The following KANK1 variants were observed in gnomAD, a reference collection of about 807,000 sequenced individuals.
KANK1 encodes the protein KN motif and ankyrin repeat domain-containing protein 1.
KANK1 carries 109 observed loss-of-function variants against 106.2 expected under a neutral mutation model. The observed-to-expected ratio is 1.03, with a 90% CI of 0.88 to 1.20. KANK1 has a LOEUF of 1.20. KANK1 is among the 50% of genes most tolerant of loss of function. KANK1 has a pLI of 0.00. For missense variants in KANK1, 2,399 were observed against 1,710.7 expected, an observed-to-expected ratio of 1.40 and a Z score of -7.10; for synonymous variants, 873 against 652.2, an observed-to-expected ratio of 1.34 and a Z score of -5.16.
chr9:740,687 C>G, intron 8 of KANK1, 105 bp from the exon 9 acceptor site: 1 of 1,240,984 alleles, frequency 8.1e-7, no homozygotes, highest in Non-Finnish European at 1.1e-6. Context: ...CACCTGGTAC[C>G]ATTTCACTGG....
intron 1 of KANK1, among the ~76,000 whole-genome samples, chr9:587,508 C>A (rs78134473): frequency 0.049 from 7,403 of 152,058 alleles, 197 homozygotes; most frequent in African/African-American, 0.057. Flanking sequence ...ATTCAATAAA[C>A]CTAGAAAATA....
At chr9:599,978 T>C (rs994555151) in intron 1 of KANK1, among the ~76,000 whole-genome samples, 1 of 151,842 alleles carries the variant, frequency 6.6e-6, no homozygotes, top group Admixed American at 6.6e-5. Context: ...CGTATGTCCA[T>C]GTAAGTCTTT....
rs556344993 is a variant in KANK1, at chr9:725,225, C to CT, written c.2699-4824dup. 1.1e-4 allele frequency among the ~76,000 whole-genome samples: 17 copies of CT among 152,230 alleles called. No homozygotes were observed. The South Asian group carries it at 3.1e-3, about 28-fold the overall frequency. ...GGGGCAAGTCCTGAACCTAGCTGGCCTTCAGAATCCTTAGCTGGAAGTCTG... is the reference window on the plus strand; with the variant it reads ...GGGGCAAGTCCTGAACCTAGCTGGCCTTTCAGAATCCTTAGCTGGAAGTCTG... On this transcript the variant is annotated intron_variant, in intron 3 of 11. Transcript: ENST00000382297.
At chr9:713,617 C>G (rs997347799) in intron 3 of KANK1, among the ~76,000 whole-genome samples, 153 bp downstream of exon 3, 1 of 152,126 alleles carries the variant, frequency 6.6e-6, no homozygotes, top group Non-Finnish European at 1.5e-5. Context: ...AACTAAGAAT[C>G]AAAATCCATA....
chr9:675,426 A>G (rs962202974), intron 1 of KANK1, among the ~76,000 whole-genome samples: 5 of 152,284 alleles, frequency 3.3e-5, no homozygotes, highest in Admixed American at 1.3e-4. Flanking sequence ...TGGGATTTCT[A>G]TATGTACTGT....
chr9:526,653 C>T (rs2059806119), intron 1 of KANK1, among the ~76,000 whole-genome samples: 2 of 151,930 alleles, frequency 1.3e-5, no homozygotes, highest in East Asian at 3.9e-4. Flanking sequence ...CAAAACCGTC[C>T]ATGAAAACAG....
chr9:478,530 G>A (rs2282038), intron 3 of KANK1: 42,631 of 152,078 alleles, frequency 0.28, 7,612 homozygotes, highest in East Asian at 0.5. Context: ...ATTGCTAAAA[G>A]ATGTCAATAC....
At chr9:678,950 G>C (rs1010261699) in intron 2 of KANK1, among the ~76,000 whole-genome samples, 1 of 152,004 alleles carries the variant, frequency 6.6e-6, no homozygotes, top group Non-Finnish European at 1.5e-5. Context: ...CTGGTGCCTT[G>C]GGCAAAATCC....
intron 3 of KANK1, among the ~76,000 whole-genome samples, chr9:479,977 A>G (rs1316401726): frequency 1.3e-5 from 2 of 152,236 alleles, no homozygotes; most frequent in Non-Finnish European, 2.9e-5. Flanking sequence ...ACAGAAAAAT[A>G]TGGGTTTTTT....
intron 1 of KANK1, among the ~76,000 whole-genome samples, chr9:573,542 T>A (rs968915036): frequency 3.9e-5 from 6 of 152,160 alleles, no homozygotes; most frequent in Admixed American, 1.3e-4. Flanking sequence ...AGTGCTGGGA[T>A]TACAGGCATG....
At chr9:742,111 A>G in intron 9 of KANK1, 94 bp from the exon 10 acceptor site, 1 of 1,074,412 alleles carries the variant, frequency 9.3e-7, no homozygotes, top group Non-Finnish European at 1.4e-6. Flanking sequence ...TTCTGTCACC[A>G]CACTCTTCCC....
chr9:638,704 A>C (rs1423285629), intron 1 of KANK1, among the ~76,000 whole-genome samples: 1 of 152,184 alleles, frequency 6.6e-6, no homozygotes, highest in African/African-American at 2.4e-5. Context: ...AAACTTGTTA[A>C]ATTTGCGATC....
At chr9:594,264 C>T (rs1269267773) in intron 1 of KANK1, among the ~76,000 whole-genome samples, 1 of 151,778 alleles carries the variant, frequency 6.6e-6, no homozygotes, top group Non-Finnish European at 1.5e-5. Context: ...AGTCACAAAG[C>T]AATTAAATAG....
intron 2 of KANK1, chr9:686,937 G>A: frequency 1.0e-6 from 1 of 985,122 alleles, no homozygotes; most frequent in Non-Finnish European, 1.2e-6. Context: ...GGGGGCTTAG[G>A]GCTGGGGGCT....
In KANK1 at chr9:742,343, C is replaced by G. The variant is rs757786007; in HGVS notation, c.3835C>G (p.His1279Asp). The G allele has an allele frequency of 6.2e-7, 1 of 1,614,014 alleles. No homozygotes were observed. Among genetic ancestry groups the G allele is most frequent in the Non-Finnish European group, 8.5e-7 (1 of 1,180,020 alleles). ...CCTCATGTGTGCCAGCGAGCACGGA[C>G]ACGTGGAGATTGTCAAGCTGCTGCT... ...TALMCASEHG[H>D]VEIVKLLLAQ... Residue 1279 changes from histidine (H) to aspartate (D), a missense_variant, in exon 10 of 12, where the codon CAC (histidine) becomes GAC (aspartate). His to Asp is a moderately conservative substitution (Grantham distance 81). Transcript: ENST00000382297.
chr9:553,909 G>T (rs1042829314), intron 1 of KANK1, among the ~76,000 whole-genome samples: 1 of 152,174 alleles, frequency 6.6e-6, no homozygotes, highest in Non-Finnish European at 1.5e-5. Context: ...TATAGCAGTG[G>T]TTCTCAAACT....
chr9:535,060 C>T (rs1382691475), intron 1 of KANK1, among the ~76,000 whole-genome samples: 1 of 152,182 alleles, frequency 6.6e-6, no homozygotes. Context: ...CACTTCCTGT[C>T]CAAGTTGGCA....
chr9:583,071 A>T lies in KANK1; in HGVS notation c.-84+78317A>T, dbSNP rs527271554. ...AGAGAATTTACTAGAGAAACTTAAAAGACTGGTTGGTGCAGAACCTAGTAA... is the reference window on the plus strand; with the variant it reads ...AGAGAATTTACTAGAGAAACTTAAATGACTGGTTGGTGCAGAACCTAGTAA... On this transcript the variant is annotated intron_variant, in intron 1 of 11. Coordinates refer to ENST00000382297, the MANE Select transcript of KANK1 (RefSeq NM_015158.5). Among the ~76,000 whole-genome samples, 5 of 152,324 alleles carry T rather than the reference A, an allele frequency of 3.3e-5. No individual in the cohort carries two copies. The East Asian group carries it at 9.6e-4, about 29-fold the overall frequency.
At chr9:709,448 CT>C (rs2130824087) in intron 2 of KANK1, among the ~76,000 whole-genome samples, 1 of 152,240 alleles carries the variant, frequency 6.6e-6, no homozygotes, top group Non-Finnish European at 1.5e-5. Context: ...CATCCCAGGC[CT>C]CCTGGTTATG....
Sources: allele counts gnomAD v4.1 joint callset (sites outside exome capture counted in the v4.1 genomes callset), GRCh38; gene constraint gnomAD v4.1.1; transcripts MANE v1.5; gene names NCBI Gene and HGNC (gene_info 2026-07-23, HGNC 2026-07-21).